The following REV3L variants were observed in gnomAD, a reference collection of about 807,000 sequenced individuals.
REV3L encodes REV3 like, DNA directed polymerase zeta catalytic subunit.
Under a neutral mutation model 299.4 loss-of-function variants are expected in REV3L, and 69 were observed. The observed-to-expected ratio is 0.23, with a 90% confidence interval of 0.19 to 0.28. The LOEUF is 0.28. Among genes scored for constraint, REV3L ranks in the 10% least tolerant of loss-of-function variants. The probability of loss-of-function intolerance (pLI) is 1.00; values close to 1 mark genes in which losing one functional copy is unlikely to be tolerated. For synonymous variants in REV3L, 1,238 were observed against 1,271.4 expected (o/e 0.97, Z 0.56); for missense variants, 3,128 against 3,693.8 (o/e 0.85, Z 3.97).
chr6:111,430,825 G>C (rs1786818715), intron 1 of REV3L: 1 of 1,608,884 alleles, frequency 6.2e-7, no homozygotes, highest in Middle Eastern at 2.3e-4. Context: ...GGCGGCTTGT[G>C]AACAGTCAGT....
chr6:111,430,652 G>A lies in REV3L; in HGVS notation c.140-14180C>T, dbSNP rs537936343. On this transcript the variant is annotated intron_variant, in intron 1 of 31. Transcript: ENST00000368802. ...ACAGAGGCTGCTGGCCGAGAAGAGA[G>A]AGGACTCTGGAGATGCCAAAGCACA... 11 of 1,518,256 alleles carry A rather than the reference G, an allele frequency of 7.2e-6. No homozygotes were observed. In the African/African-American group the frequency reaches 1.1e-4, roughly 15 times the overall value. 94.0% of individuals were successfully genotyped at this position (1,518,256 alleles called of 1,614,324 possible).
chr6:111,438,468 G>A (rs1787854142), intron 1 of REV3L, among the ~76,000 whole-genome samples: 1 of 147,750 alleles, frequency 6.8e-6, no homozygotes, highest in Non-Finnish European at 1.5e-5. Context: ...GTGTGCACCA[G>A]TGTACCTGGC....
At chr6:111,391,566 T>C (rs901990925) in intron 5 of REV3L, among the ~76,000 whole-genome samples, 1 of 152,232 alleles carries the variant, frequency 6.6e-6, no homozygotes, top group Non-Finnish European at 1.5e-5. Context: ...TCACCATTGA[T>C]AGAGAAGGAA....
intron 23 of REV3L, 109 bp from the exon 24 acceptor site, chr6:111,331,893 C>T (rs927494885): frequency 4.2e-6 from 3 of 718,518 alleles, no homozygotes; most frequent in Non-Finnish European, 7.1e-6. Flanking sequence ...TTTCAAACAT[C>T]TAAACAAGAA....
chr6:111,319,904 A>T (rs947548133), intron 26 of REV3L, among the ~76,000 whole-genome samples: 1 of 150,760 alleles, frequency 6.6e-6, no homozygotes, highest in South Asian at 2.1e-4. Context: ...ATTTTGGCTC[A>T]CTGCAACCTC....
chr6:111,303,721 T>A (rs1428531059), intron 31 of REV3L, among the ~76,000 whole-genome samples: 3 of 94,254 alleles, frequency 3.2e-5, no homozygotes, highest in Non-Finnish European at 6.9e-5. Context: ...TTTTTTTTTT[T>A]TTTTTTTTTT....
At chr6:111,480,061 CT>C (rs1379180133) in intron 1 of REV3L, among the ~76,000 whole-genome samples, 13 of 152,212 alleles carry the variant, frequency 8.5e-5, no homozygotes, top group Admixed American at 8.5e-4. Context: ...GAAACGGCCA[CT>C]TCATTTGAGA....
intron 4 of REV3L, among the ~76,000 whole-genome samples, chr6:111,404,879 C>T (rs892441830): frequency 1.3e-5 from 2 of 152,018 alleles, no homozygotes; most frequent in African/African-American, 2.4e-5. Context: ...TTGCACAGCC[C>T]ACTGAGATAA....
At chr6:111,327,236 C>G (rs1017154133) in intron 25 of REV3L, among the ~76,000 whole-genome samples, 6 of 151,996 alleles carry the variant, frequency 3.9e-5, no homozygotes, top group African/African-American at 1.4e-4. Flanking sequence ...AACCGAGAGG[C>G]AGGGAAGAAA....
At chr6:111,408,167 T>C (rs1473920687) in intron 3 of REV3L, among the ~76,000 whole-genome samples, 3 of 151,620 alleles carry the variant, frequency 2.0e-5, no homozygotes, top group Non-Finnish European at 4.4e-5. Context: ...GCCTCAGAGG[T>C]GAGGAGGAAA....
intron 1 of REV3L, among the ~76,000 whole-genome samples, chr6:111,455,836 G>A (rs13220692): frequency 0.058 from 8,781 of 152,242 alleles, 293 homozygotes; most frequent in Middle Eastern, 0.085. Context: ...TTTCTTTTAT[G>A]TATGTGTAGG....
At position 111,482,893 on chromosome 6, in the gene REV3L, G is replaced by C; in HGVS notation, c.-5C>G. On this transcript the variant is annotated 5_prime_UTR_variant, in exon 1 of 32. Transcript: ENST00000368802. ...CACTATCCTTACTGAAAACATGTTCGCCGCCGCCGCCACTGCCTCCCTTCA... is the reference window on the plus strand; with the variant it reads ...CACTATCCTTACTGAAAACATGTTCCCCGCCGCCGCCACTGCCTCCCTTCA... The C allele has an allele frequency of 2.0e-6, 3 of 1,509,992 alleles. No homozygotes were observed. The highest frequency in any genetic ancestry group is 2.6e-6 in the Non-Finnish European group (3 of 1,138,978). 93.5% of individuals were successfully genotyped at this position (1,509,992 alleles called of 1,614,324 possible).
intron 24 of REV3L, chr6:111,330,275 C>T (rs771405180): frequency 2.2e-6 from 1 of 454,686 alleles, no homozygotes; most frequent in South Asian, 1.6e-5. Flanking sequence ...ATGCTTAGAC[C>T]ACTAAGCCAT....
At position 111,376,546 on chromosome 6, in the gene REV3L, G is replaced by A. The variant is rs376054566; in HGVS notation, c.1809C>T (p.Asn603=). The change falls in exon 13 of 32, where the codon AAC becomes AAT. Residue 603 remains asparagine (N), a synonymous_variant. Transcript: ENST00000368802. ...EDLIEDLSQT[N]KNTEKGLDNS... ...TATCTAGACCTTTTTCTGTATTTTT[G>A]TTTGTCTGTGAAAGGTCTTCAATTA... 1.1e-5 allele frequency: 17 copies of A among 1,611,534 alleles called. No individual in the cohort carries two copies. Among genetic ancestry groups the A allele is most frequent in the Middle Eastern group, 1.6e-4 (1 of 6,066 alleles).
chr6:111,395,417 T>C (rs531122295), intron 4 of REV3L, among the ~76,000 whole-genome samples: 41 of 152,348 alleles, frequency 2.7e-4, no homozygotes, highest in South Asian at 1.0e-3. Flanking sequence ...TTTCCTCCTA[T>C]ACAACCTTTA....
At chr6:111,465,564 T>C (rs931264910) in intron 1 of REV3L, among the ~76,000 whole-genome samples, 2 of 151,032 alleles carry the variant, frequency 1.3e-5, no homozygotes, top group Non-Finnish European at 3.0e-5. Flanking sequence ...TGAAACCCCA[T>C]CTCTTCTAAA....
intron 1 of REV3L, among the ~76,000 whole-genome samples, chr6:111,435,067 T>C (rs1787391136): frequency 6.6e-6 from 1 of 152,112 alleles, no homozygotes; most frequent in Non-Finnish European, 1.5e-5. Context: ...TAGCTGGACG[T>C]GGTAGCACAC....
At chr6:111,314,952 G>A (rs1490370085) in intron 27 of REV3L, among the ~76,000 whole-genome samples, 2 of 150,718 alleles carry the variant, frequency 1.3e-5, no homozygotes, top group African/African-American at 4.9e-5. Context: ...CTGGGCTCAA[G>A]TGGTCCTCCT....
chr6:111,471,169 C>T (rs1358314485), intron 1 of REV3L, among the ~76,000 whole-genome samples: 2 of 151,958 alleles, frequency 1.3e-5, no homozygotes, highest in Non-Finnish European at 2.9e-5. Context: ...GTTACAAATT[C>T]ACAAGAGAGC....
Sources: allele counts gnomAD v4.1 joint callset (sites outside exome capture counted in the v4.1 genomes callset), GRCh38; gene constraint gnomAD v4.1.1; transcripts MANE v1.5; gene names NCBI Gene and HGNC (gene_info 2026-07-23, HGNC 2026-07-21).